The following KSR2 variants were observed in gnomAD, a reference collection of about 807,000 sequenced individuals.
The protein encoded by KSR2 is kinase suppressor of ras 2.
Under a neutral mutation model 107.8 loss-of-function variants are expected in KSR2, and 25 were observed. The ratio of observed to expected loss-of-function variants is 0.23; its 90% CI spans 0.17 to 0.32. The LOEUF (loss-of-function observed/expected upper bound fraction) is 0.32, where lower values mean the gene tolerates loss of function less well. KSR2 is among the 10% of genes least tolerant of loss of function. The probability of loss-of-function intolerance (pLI) is 1.00; values close to 1 mark genes in which losing one functional copy is unlikely to be tolerated. For synonymous variants in KSR2, 480 were observed against 507.0 expected (o/e 0.95, Z 0.71); for missense variants, 887 against 1,268.9 (o/e 0.70, Z 4.57).
intron 7 of KSR2, among the ~76,000 whole-genome samples, chr12:117,569,650 T>C (rs997053229): frequency 6.6e-6 from 1 of 152,176 alleles, no homozygotes; most frequent in Non-Finnish European, 1.5e-5. Context: ...GTGGCTAACC[T>C]AGGCCTGACC....
intron 1 of KSR2, among the ~76,000 whole-genome samples, chr12:117,895,529 C>A (rs1566071602): frequency 6.6e-6 from 1 of 152,054 alleles, no homozygotes; most frequent in Non-Finnish European, 1.5e-5. Flanking sequence ...AGACTTCATA[C>A]CCATTAGGAT....
At chr12:117,856,698 A>T (rs1426817022) in intron 2 of KSR2, among the ~76,000 whole-genome samples, 2 of 152,030 alleles carry the variant, frequency 1.3e-5, no homozygotes, top group Non-Finnish European at 2.9e-5. Context: ...GCTGGTCTCA[A>T]ACTCCTGACC....
In KSR2 at chr12:117,677,403, G is replaced by A. The variant is rs74426856; in HGVS notation, c.987-9745C>T. 1.7e-3 allele frequency among the ~76,000 whole-genome samples: 255 copies of A among 152,274 alleles called. 4 individuals carry two copies. In the East Asian group the frequency reaches 0.044, roughly 26 times the overall value. On this transcript the variant is annotated intron_variant, in intron 4 of 19. Transcript: ENST00000339824. ...AACACACCAGGGATGTATAGAAGCC[G>A]CCATGTAAGGACACAGCAAGAGGAC...
intron 4 of KSR2, among the ~76,000 whole-genome samples, chr12:117,758,678 C>A (rs974544080): frequency 1.3e-5 from 2 of 152,216 alleles, no homozygotes; most frequent in African/African-American, 2.4e-5. Flanking sequence ...GGCCATTCAA[C>A]CCTATCCAGG....
chr12:117,851,509 G>A (rs1006705688), intron 3 of KSR2, among the ~76,000 whole-genome samples: 1 of 152,152 alleles, frequency 6.6e-6, no homozygotes. Flanking sequence ...CTTGAGCCCA[G>A]AAGGTCGAGG....
chr12:117,845,880 G>A (rs1411241579), intron 3 of KSR2, among the ~76,000 whole-genome samples: 1 of 151,456 alleles, frequency 6.6e-6, no homozygotes, highest in African/African-American at 2.4e-5. Context: ...AGTAGAGATG[G>A]GGTTTTGCTG....
chr12:117,765,273 C>G (rs1889185767), intron 3 of KSR2, among the ~76,000 whole-genome samples: 1 of 152,210 alleles, frequency 6.6e-6, no homozygotes, highest in African/African-American at 2.4e-5. Context: ...CTGTCTTAAT[C>G]AAATACTGCA....
intron 4 of KSR2, among the ~76,000 whole-genome samples, chr12:117,706,559 A>T (rs1040103274): frequency 6.6e-6 from 1 of 152,018 alleles, no homozygotes; most frequent in Admixed American, 6.6e-5. Context: ...ATGTAGACAG[A>T]CAGAAAGCCG....
intron 7 of KSR2, among the ~76,000 whole-genome samples, chr12:117,561,651 C>T (rs1034986377): frequency 3.3e-5 from 5 of 152,190 alleles, no homozygotes; most frequent in African/African-American, 4.8e-5. Context: ...GCTATAACTA[C>T]CTGAGTCAAA....
rs910771871 is a variant in KSR2 at position 117,968,406 on chromosome 12, G to A, written c.-151C>T. 30 of 1,344,320 alleles carry A rather than the reference G, an allele frequency of 2.2e-5. No individual in the cohort carries two copies. Among genetic ancestry groups the A allele is most frequent in the African/African-American group, 4.6e-5 (3 of 65,896 alleles). 83.3% of individuals were successfully genotyped at this position (1,344,320 alleles called of 1,614,324 possible). ...GAAATCCAACATCTCACACAGGGTTGAGGGGGTGGGAGTGGGAGGAGGGGA... is the reference window on the plus strand; with the variant it reads ...GAAATCCAACATCTCACACAGGGTTAAGGGGGTGGGAGTGGGAGGAGGGGA... On this transcript the variant is annotated 5_prime_UTR_variant, in exon 1 of 20. Coordinates refer to ENST00000339824, the MANE Select transcript of KSR2 (RefSeq NM_173598.6).
chr12:117,963,232 C>A (rs559438363), intron 1 of KSR2, among the ~76,000 whole-genome samples: 1 of 151,884 alleles, frequency 6.6e-6, no homozygotes, highest in East Asian at 2.0e-4. Context: ...GTATGTACTG[C>A]CCATGGCTGC....
intron 5 of KSR2, among the ~76,000 whole-genome samples, chr12:117,656,963 G>GAGATATATATATAT (rs1555225273): frequency 2.3e-5 from 2 of 88,840 alleles, no homozygotes; most frequent in African/African-American, 9.6e-5. Context: ...TATATAATAG[G>GAGATATATATATAT]ATATATATAT....
At chr12:117,951,256 A>G (rs1896357540) in intron 1 of KSR2, among the ~76,000 whole-genome samples, 1 of 152,142 alleles carries the variant, frequency 6.6e-6, no homozygotes, top group Non-Finnish European at 1.5e-5. Context: ...TGGTGGTAAG[A>G]AACTCATTCT....
At chr12:117,507,441 AAAGGC>A (rs1389049217) in intron 14 of KSR2, among the ~76,000 whole-genome samples, 3 of 152,250 alleles carry the variant, frequency 2.0e-5, no homozygotes, top group Admixed American at 2.0e-4. Flanking sequence ...AGGGTTGACC[AAAGGC>A]TTTTACTAGG....
At chr12:117,622,326 C>T (rs1019355824) in intron 5 of KSR2, among the ~76,000 whole-genome samples, 6 of 152,082 alleles carry the variant, frequency 3.9e-5, no homozygotes, top group Admixed American at 3.9e-4. Flanking sequence ...AGAGAGTCAA[C>T]ACTGTTGAAA....
At chr12:117,660,156 A>AT (rs1300098294) in intron 5 of KSR2, among the ~76,000 whole-genome samples, 2 of 152,202 alleles carry the variant, frequency 1.3e-5, no homozygotes, top group African/African-American at 4.8e-5. Context: ...GATTATACAG[A>AT]TTGGCCCTGG....
At chr12:117,844,080 G>C (rs1421192229) in intron 3 of KSR2, among the ~76,000 whole-genome samples, 1 of 152,036 alleles carries the variant, frequency 6.6e-6, no homozygotes, top group Non-Finnish European at 1.5e-5. Context: ...CTAGCAGAAG[G>C]GATACTGTTC....
chr12:117,785,531 T>C (rs1890039744), intron 3 of KSR2, among the ~76,000 whole-genome samples: 1 of 145,758 alleles, frequency 6.9e-6, no homozygotes, highest in South Asian at 2.3e-4. Context: ...CCATGCTCCA[T>C]AAGATAAAGG....
chr12:117,757,054 C>CA (rs58452409), intron 4 of KSR2, among the ~76,000 whole-genome samples: 86,354 of 137,248 alleles, frequency 0.63, 27,019 homozygotes, highest in East Asian at 0.72. Flanking sequence ...GACTCCATCT[C>CA]AAAAAAAAAA....
Sources: gnomAD v4.1 joint callset for allele counts (sites outside exome capture counted in the v4.1 genomes callset) on GRCh38, gnomAD v4.1.1 for gene constraint, MANE v1.5 for transcripts, NCBI Gene and HGNC (gene_info 2026-07-23, HGNC 2026-07-21) for gene names.